PBRM1: variants seen among roughly 807,000 people sequenced by gnomAD.
PBRM1 encodes polybromo 1, also known as protein polybromo-1.
A neutral mutation model predicts 194.5 loss-of-function variants in PBRM1; 27 were observed. The ratio of observed to expected loss-of-function variants is 0.14; its 90% CI spans 0.10 to 0.19. The LOEUF is 0.19. PBRM1 is among the 10% of genes least tolerant of loss of function. PBRM1 has a pLI of 1.00. For synonymous variants in PBRM1, 655 were observed against 693.2 expected (o/e 0.94, Z 0.87); for missense variants, 1,466 against 2,077.2 (o/e 0.71, Z 5.72).
At chr3:52,635,373 G>C (rs6796726) in intron 10 of PBRM1, among the ~76,000 whole-genome samples, 69,151 of 151,794 alleles carry the variant, frequency 0.46, 16,106 homozygotes, top group African/African-American at 0.52. Context: ...CGAGACCAGC[G>C]TGGCCAACAT....
intron 16 of PBRM1, among the ~76,000 whole-genome samples, chr3:52,605,603 CTTT>C (rs752235047): frequency 5.2e-5 from 7 of 135,000 alleles, no homozygotes; most frequent in Non-Finnish European, 4.9e-5. Flanking sequence ...CGGAAAGTCT[CTTT>C]TTTTTTTTTT....
chr3:52,648,614 T>G (rs1009359637), intron 6 of PBRM1, among the ~76,000 whole-genome samples, 172 bp from the exon 8 acceptor site: 2 of 152,240 alleles, frequency 1.3e-5, no homozygotes, highest in Admixed American at 1.3e-4. Flanking sequence ...ATTATTACTG[T>G]ACCCATTTAT....
At chr3:52,678,638 A>T (rs765330000) in intron 1 of PBRM1, 41 bp from the exon 3 acceptor site, 1 of 1,271,184 alleles carries the variant, frequency 7.9e-7, no homozygotes, top group African/African-American at 1.5e-5. Flanking sequence ...TAAAAAAGTG[A>T]ACAGAAAGCC....
intron 26 of PBRM1, among the ~76,000 whole-genome samples, chr3:52,555,186 G>A (rs1004908078): frequency 3.3e-5 from 5 of 152,238 alleles, no homozygotes; most frequent in African/African-American, 1.2e-4. Context: ...GCCTTCCCAA[G>A]GAAATAATTA....
At chr3:52,658,519 C>T (rs188519379) in intron 4 of PBRM1, among the ~76,000 whole-genome samples, 23 of 151,942 alleles carry the variant, frequency 1.5e-4, no homozygotes, top group Admixed American at 1.1e-3. Context: ...CTCAGCCTCC[C>T]GAGTAGCTGG....
chr3:52,565,966 C>A (rs1340064325), intron 22 of PBRM1, among the ~76,000 whole-genome samples: 1 of 152,074 alleles, frequency 6.6e-6, no homozygotes, highest in East Asian at 1.9e-4. Context: ...AGGAGAATGG[C>A]CTGAACCCAG....
intron 2 of PBRM1, among the ~76,000 whole-genome samples, chr3:52,678,242 C>G (rs1241715410): frequency 6.6e-6 from 1 of 152,086 alleles, no homozygotes; most frequent in Non-Finnish European, 1.5e-5. Flanking sequence ...GCTGGGATTA[C>G]AAGTGCATGC....
exon 23 of PBRM1, chr3:52,564,123 T>C: frequency 6.2e-7 from 1 of 1,613,996 alleles, no homozygotes; most frequent in Non-Finnish European, 8.5e-7. Context: ...AATTTCTTCA[T>C]CTGCTTGTCG....
chr3:52,614,373 C>CAAAAAAAA (rs1165930996), intron 15 of PBRM1, among the ~76,000 whole-genome samples: 61 of 40,802 alleles, frequency 1.5e-3, no homozygotes, highest in Middle Eastern at 0.024. Context: ...GATGCTTCAT[C>CAAAAAAAA]AAAAAAAAAA....
At chr3:52,682,769 T>C (rs1048288993), upstream of PBRM1, among the ~76,000 whole-genome samples, 3 of 152,150 alleles carry the variant, frequency 2.0e-5, no homozygotes, top group Non-Finnish European at 4.4e-5. Context: ...GTTTCATCTC[T>C]AAAATAAGAA....
Position 52,658,343 on chromosome 3 carries a change from C to G in PBRM1, c.529-28G>C, listed in dbSNP as rs2590846. ...GGTAATGTGGAGAAAAAAGTACTTT[C>G]TAAGAGAAATAATAAAATGCTGAAT... On this transcript the variant is annotated intron_variant, in intron 4 of 29. Transcript: ENST00000296302. 447,287 of 1,173,788 alleles carry G rather than the reference C, an allele frequency of 0.38. 89,467 individuals carry two copies. The highest frequency in any genetic ancestry group is 0.51 in the Admixed American group (28,385 of 56,132). The allele number at this position is 1,173,788 out of a possible 1,614,324, so 72.7% of individuals were successfully genotyped here. A position where few individuals can be genotyped will look rare whatever the true frequency, so the allele number is the denominator to read the frequency against.
chr3:52,550,572 T>G (rs1575462050), exon 29 of PBRM1: 2 of 1,537,334 alleles, frequency 1.3e-6, no homozygotes, highest in Non-Finnish European at 8.8e-7. Flanking sequence ...TGACAGGGGG[T>G]CCAGCTGGAT....
Position 52,564,652 on chromosome 3 carries a change from GAA to G in PBRM1, c.3692-421_3692-420del, listed in dbSNP as rs71084190. Among the ~76,000 whole-genome samples, 36 of 135,168 alleles carry G rather than the reference GAA, an allele frequency of 2.7e-4. No homozygotes were observed. The East Asian group carries it at 2.8e-3, about 11-fold the overall frequency. 88.7% of individuals were successfully genotyped at this position (135,168 alleles called of 152,430 possible). ...GTGACAGAGTGAGACCCTATCTCAA[GAA>G]AAAAAAAAAAAGATATAATACAATA... On this transcript the variant is annotated intron_variant, in intron 22 of 29. Transcript: ENST00000296302.
chr3:52,662,476 T>C (rs528082260), intron 3 of PBRM1, among the ~76,000 whole-genome samples, 200 bp from the exon 5 acceptor site: 2 of 152,218 alleles, frequency 1.3e-5, no homozygotes, highest in Admixed American at 1.3e-4. Context: ...ATCAAATTAT[T>C]TAGGTCTTAT....
rs764843512 is a variant in PBRM1, at chr3:52,603,768, G to A, written c.2568-36C>T. On this transcript the variant is annotated intron_variant, in intron 16 of 29. Coordinates refer to ENST00000296302, the Ensembl canonical transcript of PBRM1. Reference sequence around the variant, plus strand: ...ATCAAGAGTATCCATTGACATACAAGCTGTTTCTTTTAAACACCTCAATTA... The same window carrying A: ...ATCAAGAGTATCCATTGACATACAAACTGTTTCTTTTAAACACCTCAATTA... 2.6e-6 allele frequency: 4 copies of A among 1,564,744 alleles called. No homozygotes were observed. The South Asian group carries it at 3.4e-5, about 13-fold the overall frequency.
intron 13 of PBRM1, among the ~76,000 whole-genome samples, chr3:52,622,396 T>C (rs1234853501): frequency 1.3e-5 from 2 of 152,130 alleles, no homozygotes; most frequent in Non-Finnish European, 2.9e-5. Flanking sequence ...ATTCAGATCA[T>C]AGATACTGTT....
At chr3:52,567,531 T>C (rs1055434016) in intron 22 of PBRM1, among the ~76,000 whole-genome samples, 2 of 146,102 alleles carry the variant, frequency 1.4e-5, no homozygotes, top group African/African-American at 2.5e-5. Context: ...GTGAGAAATG[T>C]CTTCTGGATC....
At chr3:52,681,624 T>G (rs2097207183), upstream of PBRM1, 1 of 622,334 alleles carries the variant, frequency 1.6e-6, no homozygotes, top group Middle Eastern at 7.5e-4. Context: ...TAACAAAAAT[T>G]TAAGAAAGGT....
intron 26 of PBRM1, among the ~76,000 whole-genome samples, chr3:52,557,335 A>G (rs771135518): frequency 6.6e-6 from 1 of 152,144 alleles, no homozygotes; most frequent in African/African-American, 2.4e-5. Context: ...AAAAGCAAAA[A>G]CGAAACAGCA....
Sources: allele counts gnomAD v4.1 joint callset (sites outside exome capture counted in the v4.1 genomes callset), GRCh38; gene constraint gnomAD v4.1.1; transcripts MANE v1.5; gene names NCBI Gene and HGNC (gene_info 2026-07-23, HGNC 2026-07-21).